The following SUGCT variants were observed in gnomAD, a reference collection of about 807,000 sequenced individuals.
SUGCT encodes the protein succinyl-CoA:glutarate-CoA transferase.
SUGCT carries 41 observed loss-of-function variants against 55.0 expected under a neutral mutation model. The observed-to-expected ratio is 0.74, with a 90% CI of 0.58 to 0.97. The LOEUF is 0.97. Among genes scored for constraint, SUGCT ranks in the 50% least tolerant of loss-of-function variants. The pLI, the probability that SUGCT is intolerant of heterozygous loss-of-function variation, is 0.00. For missense variants in SUGCT, 568 were observed against 547.8 expected, an observed-to-expected ratio of 1.04 and a Z score of -0.37; for synonymous variants, 187 against 200.4, an observed-to-expected ratio of 0.93 and a Z score of 0.56.
chr7:40,746,147 C>T (rs1261730801), intron 12 of SUGCT, among the ~76,000 whole-genome samples: 8 of 152,066 alleles, frequency 5.3e-5, no homozygotes, highest in Admixed American at 4.6e-4. Flanking sequence ...AAGTGTCAAA[C>T]GTGAAAGGGT....
At chr7:40,188,854 C>T (rs989356582) in intron 4 of SUGCT, among the ~76,000 whole-genome samples, 3 of 152,072 alleles carry the variant, frequency 2.0e-5, no homozygotes, top group African/African-American at 7.2e-5. Context: ...TGATTCCTTA[C>T]ATTTGTTATT....
chr7:40,528,584 C>T (rs766185150), intron 12 of SUGCT, among the ~76,000 whole-genome samples: 44 of 152,024 alleles, frequency 2.9e-4, no homozygotes, highest in Non-Finnish European at 6.0e-4. Flanking sequence ...AAGGTTGTAC[C>T]AAAAAGGATA....
In SUGCT at chr7:40,173,167, C is replaced by T. The variant is rs1267369525; in HGVS notation, c.101-7780C>T. Among the ~76,000 whole-genome samples the T allele has an allele frequency of 6.6e-5, 10 of 152,170 alleles. No homozygotes were observed. The East Asian group carries it at 1.2e-3, about 18-fold the overall frequency. On this transcript the variant is annotated intron_variant, in intron 1 of 13. Coordinates refer to ENST00000335693, the MANE Select transcript of SUGCT (RefSeq NM_001193313.2). ...TGAGTGTTACACCTCTGTTAGAAGC[C>T]GTGGGTCACGGAAGAGAACCGTGGA...
At chr7:40,395,898 T>C (rs1172852110) in intron 9 of SUGCT, among the ~76,000 whole-genome samples, 1 of 152,222 alleles carries the variant, frequency 6.6e-6, no homozygotes, top group African/African-American at 2.4e-5. Context: ...TTTTACAGAA[T>C]GGGCATACTA....
rs561414760 is a variant in SUGCT at position 40,338,095 on chromosome 7, G to T, written c.816+21240G>T. On this transcript the variant is annotated intron_variant, in intron 9 of 13. Coordinates refer to ENST00000335693, the MANE Select transcript of SUGCT (RefSeq NM_001193313.2). ...ATTGGCCCCCACTCTCTTCTGGCTT[G>T]TAGAGTTTCTGCCAATAGATCCGCT... 2.0e-5 allele frequency among the ~76,000 whole-genome samples: 3 copies of T among 152,284 alleles called. No homozygotes were observed. The South Asian group carries it at 6.2e-4, about 32-fold the overall frequency.
chr7:40,750,452 A>G (rs1345223032), intron 13 of SUGCT, among the ~76,000 whole-genome samples: 1 of 151,966 alleles, frequency 6.6e-6, no homozygotes, highest in Non-Finnish European at 1.5e-5. Flanking sequence ...TGGCCATCTT[A>G]CTTGGAATTT....
chr7:40,250,217 G>A (rs186721582), intron 7 of SUGCT, among the ~76,000 whole-genome samples: 2,591 of 152,100 alleles, frequency 0.017, 40 homozygotes, highest in South Asian at 0.043. Flanking sequence ...GGGCAACATG[G>A]CGAAACCCCA....
intron 1 of SUGCT, among the ~76,000 whole-genome samples, chr7:40,172,674 A>G (rs1784732751): frequency 6.6e-6 from 1 of 152,164 alleles, no homozygotes; most frequent in Non-Finnish European, 1.5e-5. Context: ...TGGCTGCACC[A>G]TGATCTCGAC....
intron 9 of SUGCT, among the ~76,000 whole-genome samples, chr7:40,396,199 G>A (rs1307197123): frequency 1.3e-5 from 2 of 152,138 alleles, no homozygotes; most frequent in Non-Finnish European, 2.9e-5. Context: ...TAGATAAATT[G>A]GAAGAAAGTG....
intron 8 of SUGCT, among the ~76,000 whole-genome samples, chr7:40,304,342 T>C (rs571999011): frequency 6.6e-6 from 1 of 152,178 alleles, no homozygotes; most frequent in Non-Finnish European, 1.5e-5. Flanking sequence ...ATGGAACCCA[T>C]TGGTCACCCC....
intron 8 of SUGCT, 116 bp downstream of exon 8, chr7:40,274,772 A>G (rs1203043471): frequency 7.7e-6 from 7 of 911,396 alleles, no homozygotes; most frequent in East Asian, 2.6e-5. Flanking sequence ...CAACACAACA[A>G]CACTGAAAAC....
intron 12 of SUGCT, among the ~76,000 whole-genome samples, chr7:40,587,601 C>T (rs1797459883): frequency 6.6e-6 from 1 of 152,148 alleles, no homozygotes; most frequent in African/African-American, 2.4e-5. Context: ...GTTTATTTGT[C>T]ATTGCCATGG....
chr7:40,479,818 T>C (rs1283497368), intron 11 of SUGCT, among the ~76,000 whole-genome samples: 1 of 152,200 alleles, frequency 6.6e-6, no homozygotes, highest in Non-Finnish European at 1.5e-5. Flanking sequence ...GTACGTCTTC[T>C]TTTATGAAAT....
chr7:40,788,613 C>G (rs1035534155), intron 13 of SUGCT, among the ~76,000 whole-genome samples: 1 of 152,218 alleles, frequency 6.6e-6, no homozygotes, highest in Non-Finnish European at 1.5e-5. Flanking sequence ...TTACTGTTCT[C>G]TTCAGATGGA....
intron 12 of SUGCT, among the ~76,000 whole-genome samples, chr7:40,607,093 A>G (rs1036016353): frequency 1.8e-4 from 27 of 149,816 alleles, no homozygotes; most frequent in South Asian, 6.3e-4. Context: ...GCTTTATTGT[A>G]TGCTTTTTCT....
At chr7:40,448,207 C>T (rs1788953143) in intron 9 of SUGCT, among the ~76,000 whole-genome samples, 1 of 145,844 alleles carries the variant, frequency 6.9e-6, no homozygotes, top group South Asian at 2.2e-4. Context: ...TTCCTTCCCT[C>T]TCCCAGTTCC....
At chr7:40,944,671 C>G in the SUGCT span, among the ~76,000 whole-genome samples, 1 of 152,126 alleles carries the variant, frequency 6.6e-6, no homozygotes, top group Non-Finnish European at 1.5e-5. Context: ...GTTACTGTAG[C>G]CTTTTAGTAT....
chr7:40,900,784 G>T, the SUGCT span, among the ~76,000 whole-genome samples: 4 of 152,240 alleles, frequency 2.6e-5, no homozygotes, highest in African/African-American at 7.2e-5. Context: ...CTGCTGGGCT[G>T]CAGTGAAAGG....
chr7:40,768,510 C>T (rs1480038929), intron 13 of SUGCT, among the ~76,000 whole-genome samples: 5 of 151,442 alleles, frequency 3.3e-5, no homozygotes, highest in Non-Finnish European at 5.9e-5. Context: ...TTAATGCCAA[C>T]AACCCCTAAA....
Sources: allele counts gnomAD v4.1 joint callset (sites outside exome capture counted in the v4.1 genomes callset), GRCh38; gene constraint gnomAD v4.1.1; transcripts MANE v1.5; gene names NCBI Gene and HGNC (gene_info 2026-07-23, HGNC 2026-07-21).